The following FSTL4 variants were observed in gnomAD, a reference collection of about 807,000 sequenced individuals.
The protein encoded by FSTL4 is follistatin like 4, also known as follistatin-related protein 4.
Under a neutral mutation model 78.2 loss-of-function variants are expected in FSTL4, and 28 were observed. The ratio of observed to expected loss-of-function variants is 0.36; its 90% CI spans 0.27 to 0.49. FSTL4 has a LOEUF of 0.49. Among genes scored for constraint, FSTL4 ranks in the 20% least tolerant of loss-of-function variants. The pLI is 0.98. For synonymous variants in FSTL4, 422 were observed against 440.5 expected, an observed-to-expected ratio of 0.96 and a Z score of 0.53; for missense variants, 922 against 1,084.9, an observed-to-expected ratio of 0.85 and a Z score of 2.11.
At chr5:133,324,862 T>C (rs771063544) in intron 4 of FSTL4, among the ~76,000 whole-genome samples, 1 of 152,178 alleles carries the variant, frequency 6.6e-6, no homozygotes, top group African/African-American at 2.4e-5. Flanking sequence ...GTCAGTTCCT[T>C]GGGGGGCATG....
At chr5:133,335,682 G>T (rs569058347) in intron 4 of FSTL4, among the ~76,000 whole-genome samples, 2 of 105,158 alleles carry the variant, frequency 1.9e-5, no homozygotes, top group Non-Finnish European at 3.9e-5. Flanking sequence ...CCCCTTTCTT[G>T]GGGGGGGTGG....
chr5:133,483,989 C>A (rs1337772394), intron 3 of FSTL4, among the ~76,000 whole-genome samples: 2 of 152,228 alleles, frequency 1.3e-5, no homozygotes, highest in Non-Finnish European at 2.9e-5. Flanking sequence ...TCTCTCCCTA[C>A]CCCCACCTCA....
chr5:133,818,531 G>A, the FSTL4 span, among the ~76,000 whole-genome samples: 1 of 152,112 alleles, frequency 6.6e-6, no homozygotes, highest in Non-Finnish European at 1.5e-5. Flanking sequence ...TACTACTTCT[G>A]TGTAAGTGTT....
At chr5:133,253,165 C>T (rs144795652) in intron 6 of FSTL4, among the ~76,000 whole-genome samples, 1 of 152,344 alleles carries the variant, frequency 6.6e-6, no homozygotes, top group African/African-American at 2.4e-5. Context: ...ACCCTCACTC[C>T]CCGTTATTTC....
chr5:133,689,703 C>T, the FSTL4 span, among the ~76,000 whole-genome samples: 1 of 152,124 alleles, frequency 6.6e-6, no homozygotes, highest in Non-Finnish European at 1.5e-5. Context: ...GTTTCTTATT[C>T]CCCAAAATTC....
chr5:133,626,819 T>C, the FSTL4 span, among the ~76,000 whole-genome samples: 1 of 152,164 alleles, frequency 6.6e-6, no homozygotes, highest in East Asian at 1.9e-4. Flanking sequence ...GTCTATTTTG[T>C]TACATGTTCT....
chr5:133,421,508 G>GC (rs1170995551), intron 3 of FSTL4, among the ~76,000 whole-genome samples: 1 of 141,644 alleles, frequency 7.1e-6, no homozygotes, highest in Non-Finnish European at 1.6e-5. Flanking sequence ...TGGGATAAGA[G>GC]TTTCCCCATT....
At chr5:133,665,110 T>C in the FSTL4 span, among the ~76,000 whole-genome samples, 1 of 152,210 alleles carries the variant, frequency 6.6e-6, no homozygotes, top group Admixed American at 6.5e-5. Flanking sequence ...CTGAAGCATA[T>C]GCCTTCTTGG....
chr5:133,377,638 C>T (rs1388592570), intron 4 of FSTL4, among the ~76,000 whole-genome samples: 1 of 150,346 alleles, frequency 6.7e-6, no homozygotes, highest in Admixed American at 6.6e-5. Flanking sequence ...AAAAAATGAA[C>T]AAAGCCTCAG....
chr5:133,247,993 C>G (rs1024956420), intron 7 of FSTL4: 3 of 152,314 alleles, frequency 2.0e-5, no homozygotes, highest in African/African-American at 7.2e-5. Context: ...CCCCACAAGT[C>G]TCAGAGTTGG....
chr5:133,682,093 C>A, the FSTL4 span, among the ~76,000 whole-genome samples: 1 of 152,162 alleles, frequency 6.6e-6, no homozygotes, highest in Admixed American at 6.5e-5. Flanking sequence ...AGTGTGGCAC[C>A]CACCCTCTTG....
At chr5:133,476,848 T>C (rs1240536416) in intron 3 of FSTL4, among the ~76,000 whole-genome samples, 1 of 152,102 alleles carries the variant, frequency 6.6e-6, no homozygotes, top group Admixed American at 6.5e-5. Flanking sequence ...TATATATACA[T>C]ATATGGTGGT....
chr5:133,213,972 T>C (rs896410605), intron 13 of FSTL4, among the ~76,000 whole-genome samples: 1 of 152,166 alleles, frequency 6.6e-6, no homozygotes, highest in African/African-American at 2.4e-5. Flanking sequence ...TGTTAGACAA[T>C]AGATTTTCAG....
the FSTL4 span, among the ~76,000 whole-genome samples, chr5:133,701,419 A>G: frequency 7.4e-6 from 1 of 135,028 alleles, no homozygotes; most frequent in Admixed American, 7.3e-5. Context: ...AAAAAAAAAG[A>G]AAGAAAGAAA....
intron 3 of FSTL4, among the ~76,000 whole-genome samples, chr5:133,432,949 G>A (rs1030157923): frequency 4.6e-5 from 7 of 152,240 alleles, no homozygotes; most frequent in African/African-American, 2.4e-5. Context: ...GCATGGCCCA[G>A]ATCTTTTAAG....
chr5:133,528,765 T>C (rs1759188588), intron 3 of FSTL4, among the ~76,000 whole-genome samples: 1 of 152,246 alleles, frequency 6.6e-6, no homozygotes, highest in African/African-American at 2.4e-5. Flanking sequence ...TTATAGTGCA[T>C]GGTTCCCCCA....
At chr5:133,638,272 C>T in the FSTL4 span, among the ~76,000 whole-genome samples, 4 of 152,160 alleles carry the variant, frequency 2.6e-5, no homozygotes, top group East Asian at 5.8e-4. Flanking sequence ...CTCCCTTCTT[C>T]CCCTCCTCAC....
chr5:133,366,545 T>C (rs78554686), intron 4 of FSTL4, among the ~76,000 whole-genome samples: 2,253 of 152,146 alleles, frequency 0.015, 65 homozygotes, highest in African/African-American at 0.052. Flanking sequence ...TTTTTAAAAA[T>C]CCGTAACTCT....
the FSTL4 span, among the ~76,000 whole-genome samples, chr5:133,779,660 C>A: frequency 6.6e-6 from 1 of 152,206 alleles, no homozygotes; most frequent in Non-Finnish European, 1.5e-5. Context: ...AACTTCCAAT[C>A]ACTCCCCACT....
Sources: allele counts gnomAD v4.1 joint callset (sites outside exome capture counted in the v4.1 genomes callset), GRCh38; gene constraint gnomAD v4.1.1; transcripts MANE v1.5; gene names NCBI Gene and HGNC (gene_info 2026-07-23, HGNC 2026-07-21).